Variants in MECOM observed in about 807,000 individuals in gnomAD.
MECOM encodes histone-lysine N-methyltransferase MECOM.
A neutral mutation model predicts 116.3 loss-of-function variants in MECOM; 13 were observed. The ratio of observed to expected loss-of-function variants is 0.11; its 90% CI spans 0.07 to 0.18. The LOEUF is 0.18. Ranked by LOEUF, MECOM falls within the 10% of genes least tolerant of loss-of-function variation. The pLI is 1.00. For missense variants in MECOM, 1,299 were observed against 1,509.0 expected, an observed-to-expected ratio of 0.86 and a Z score of 2.31; for synonymous variants, 528 against 535.2, an observed-to-expected ratio of 0.99 and a Z score of 0.19.
At chr3:169,212,991 C>T (rs1750966388) in intron 2 of MECOM, among the ~76,000 whole-genome samples, 3 of 151,844 alleles carry the variant, frequency 2.0e-5, no homozygotes, top group Admixed American at 1.3e-4. Context: ...CTATTATCCT[C>T]AGGCATTTAC....
At chr3:169,425,521 T>C (rs1216741595) in intron 1 of MECOM, among the ~76,000 whole-genome samples, 1 of 152,198 alleles carries the variant, frequency 6.6e-6, no homozygotes, top group African/African-American at 2.4e-5. Flanking sequence ...ATGTAACATT[T>C]GTTGATTATG....
chr3:169,288,118 T>G (rs917368854), intron 2 of MECOM, among the ~76,000 whole-genome samples: 1 of 152,118 alleles, frequency 6.6e-6, no homozygotes, highest in African/African-American at 2.4e-5. Context: ...GCCTTAGTCT[T>G]GGGTTCAGAG....
intron 2 of MECOM, among the ~76,000 whole-genome samples, chr3:169,250,739 G>T (rs1265822889): frequency 6.6e-6 from 1 of 151,942 alleles, no homozygotes; most frequent in African/African-American, 2.4e-5. Context: ...CCAACTAACT[G>T]AAATTTAAGG....
At chr3:169,648,078 G>A (rs1011098763) in intron 1 of MECOM, among the ~76,000 whole-genome samples, 3 of 152,176 alleles carry the variant, frequency 2.0e-5, no homozygotes, top group Middle Eastern at 3.2e-3. Context: ...AAAGTTATTA[G>A]TAATTAACAA....
chr3:169,140,174 C>T (rs926480128), intron 3 of MECOM, among the ~76,000 whole-genome samples: 5 of 151,934 alleles, frequency 3.3e-5, no homozygotes, highest in African/African-American at 1.2e-4. Flanking sequence ...CTTTCAGGGC[C>T]AATTCTTGCT....
At chr3:169,293,658 G>A (rs766061077) in intron 2 of MECOM, among the ~76,000 whole-genome samples, 1 of 152,086 alleles carries the variant, frequency 6.6e-6, no homozygotes, top group African/African-American at 2.4e-5. Context: ...CTTGATAGCA[G>A]TTATTATTAC....
rs139260319 is a variant in MECOM, at chr3:169,146,289, G to A, written c.376-2457C>T. On this transcript the variant is annotated intron_variant, in intron 2 of 16. Transcript: ENST00000651503. Reference sequence around the variant, plus strand: ...GCAGCACACGATGTTGGACAGCAAAGCTGTTACTTGGCAAGGTGGAACTCG... The same window carrying A: ...GCAGCACACGATGTTGGACAGCAAAACTGTTACTTGGCAAGGTGGAACTCG... 6.3e-5 allele frequency: 80 copies of A among 1,260,940 alleles called. No homozygotes were observed. In the African/African-American group the frequency reaches 1.1e-3, roughly 17 times the overall value. 78.1% of individuals were successfully genotyped at this position (1,260,940 alleles called of 1,614,324 possible).
At chr3:169,462,927 A>G (rs915393218) in intron 1 of MECOM, among the ~76,000 whole-genome samples, 1 of 152,230 alleles carries the variant, frequency 6.6e-6, no homozygotes, top group Admixed American at 6.5e-5. Context: ...TCATGTAAGA[A>G]ACATAAAGGC....
intron 1 of MECOM, among the ~76,000 whole-genome samples, chr3:169,426,316 G>A (rs1740679858): frequency 1.3e-5 from 2 of 152,100 alleles, no homozygotes; most frequent in Admixed American, 1.3e-4. Flanking sequence ...TGCTCCTTTG[G>A]GAGACCCTAG....
intron 2 of MECOM, among the ~76,000 whole-genome samples, chr3:169,325,513 T>C (rs1721688750): frequency 6.6e-6 from 1 of 152,218 alleles, no homozygotes; most frequent in Non-Finnish European, 1.5e-5. Context: ...CAAGACATTC[T>C]ACTTTAAAGC....
intron 2 of MECOM, among the ~76,000 whole-genome samples, chr3:169,173,785 C>T (rs893736340): frequency 1.3e-5 from 2 of 152,144 alleles, no homozygotes; most frequent in Non-Finnish European, 2.9e-5. Flanking sequence ...TGCTTAAAGT[C>T]CTTGAATGAC....
chr3:169,620,133 A>G (rs1336951197), intron 1 of MECOM, among the ~76,000 whole-genome samples: 1 of 152,200 alleles, frequency 6.6e-6, no homozygotes, highest in Non-Finnish European at 1.5e-5. Flanking sequence ...CAGAATTCTC[A>G]TTTTAACACA....
Position 169,615,489 on chromosome 3 carries a change from A to G in MECOM, c.37+47847T>C, listed in dbSNP as rs574012619. ...CTTTATTCATTTGATTGCAAAACTT[A>G]TAATGAACTCAGTGAAACTTGTCCA... On this transcript the variant is annotated intron_variant, in intron 1 of 16. Transcript: ENST00000651503. Among the ~76,000 whole-genome samples, 156 of 152,384 alleles carry G rather than the reference A, an allele frequency of 1.0e-3. 2 individuals are homozygous for G. Among genetic ancestry groups the G allele is most frequent in the African/African-American group, 3.6e-3 (149 of 41,586 alleles).
At position 169,275,478 on chromosome 3, in the gene MECOM, C is replaced by G. The variant is rs560792792; in HGVS notation, c.375+105709G>C. Among the ~76,000 whole-genome samples, 4 of 152,290 alleles carry G rather than the reference C, an allele frequency of 2.6e-5. No individual in the cohort carries two copies. In the East Asian group the frequency reaches 7.7e-4, roughly 29 times the overall value. ...CTAGGGCGTTTAAAGTATGCTATAT[C>G]TTGTGAGCAGGAAGATTTGATAATG... On this transcript the variant is annotated intron_variant, in intron 2 of 16. Transcript: ENST00000651503.
intron 1 of MECOM, among the ~76,000 whole-genome samples, chr3:169,472,538 G>A (rs371213224): frequency 0.041 from 1,944 of 47,844 alleles, 65 homozygotes; most frequent in African/African-American, 0.078. Flanking sequence ...AAAAGAAAAG[G>A]AAAGGAAAGG....
chr3:169,362,937 G>T (rs1427797277), intron 2 of MECOM, among the ~76,000 whole-genome samples: 1 of 151,826 alleles, frequency 6.6e-6, no homozygotes, highest in Admixed American at 6.6e-5. Context: ...TGACTATTTA[G>T]TGTTCCTATT....
intron 2 of MECOM, among the ~76,000 whole-genome samples, chr3:169,236,120 A>G (rs1008463247): frequency 5.9e-5 from 9 of 152,148 alleles, no homozygotes; most frequent in Non-Finnish European, 1.2e-4. Context: ...ATTTTGTCCA[A>G]CTGCAGGCAA....
intron 1 of MECOM, among the ~76,000 whole-genome samples, chr3:169,513,350 C>T (rs577384824): frequency 2.6e-5 from 4 of 152,322 alleles, no homozygotes; most frequent in African/African-American, 7.2e-5. Flanking sequence ...ACTGGACTTA[C>T]GGTAATAAAA....
chr3:169,659,440 A>ATTT (rs56270349), intron 1 of MECOM, among the ~76,000 whole-genome samples: 5,087 of 62,096 alleles, frequency 0.082, 1,346 homozygotes, highest in Non-Finnish European at 0.11. Context: ...CTAAACACAG[A>ATTT]TTTTTTTTTT....
Sources: allele counts gnomAD v4.1 joint callset (sites outside exome capture counted in the v4.1 genomes callset), GRCh38; gene constraint gnomAD v4.1.1; transcripts MANE v1.5; gene names NCBI Gene and HGNC (gene_info 2026-07-23, HGNC 2026-07-21).